MSH3: variants seen among roughly 807,000 people sequenced by gnomAD.
MSH3 encodes mutS homolog 3.
MSH3 carries 106 observed loss-of-function variants against 123.3 expected under a neutral mutation model. The observed-to-expected ratio is 0.86, with a 90% CI of 0.73 to 1.01. The LOEUF is 1.01. MSH3 is among the 50% of genes least tolerant of loss of function. MSH3 has a pLI of 0.00. For missense variants in MSH3, 1,459 were observed against 1,347.6 expected, an observed-to-expected ratio of 1.08 and a Z score of -1.29; for synonymous variants, 515 against 481.4, an observed-to-expected ratio of 1.07 and a Z score of -0.91.
rs764577777 is a variant in MSH3, at chr5:80,672,828, C to T, written c.997C>T (p.Leu333Phe). 1.9e-6 allele frequency: 3 copies of T among 1,613,630 alleles called. No homozygotes were observed. The highest frequency in any genetic ancestry group is 2.5e-6 in the Non-Finnish European group (3 of 1,179,570). ...SSLFSRKLTA[L>F]YTKSTLIGED... Reference sequence around the variant, plus strand: ...ACTCTTTTCCCGGAAATTGACTGCCCTTTATACAAAATCTACACTTATTGG... The same window carrying T: ...ACTCTTTTCCCGGAAATTGACTGCCTTTTATACAAAATCTACACTTATTGG... Residue 333 changes from leucine to phenylalanine, a missense_variant, in exon 6 of 24, where the codon CTT (leucine) becomes TTT (phenylalanine). Leu to Phe is a conservative substitution (Grantham distance 22). Coordinates refer to ENST00000265081, the MANE Select transcript of MSH3 (RefSeq NM_002439.5).
chr5:80,797,237 A>C (rs1744714202), intron 19 of MSH3, among the ~76,000 whole-genome samples: 1 of 152,010 alleles, frequency 6.6e-6, no homozygotes, highest in Non-Finnish European at 1.5e-5. Flanking sequence ...TATTCCACCA[A>C]ATTATAATCA....
At chr5:80,775,482 T>C (rs978999614) in intron 15 of MSH3, among the ~76,000 whole-genome samples, 1 of 152,182 alleles carries the variant, frequency 6.6e-6, no homozygotes, top group South Asian at 2.1e-4. Context: ...TACAAATGTT[T>C]TATGCAATAC....
chr5:80,805,129 C>A (rs1252407642), intron 19 of MSH3, among the ~76,000 whole-genome samples: 2 of 152,256 alleles, frequency 1.3e-5, no homozygotes, highest in Non-Finnish European at 2.9e-5. Flanking sequence ...TAACAACTTT[C>A]ATCACATTTC....
intron 3 of MSH3, among the ~76,000 whole-genome samples, chr5:80,666,254 G>GA (rs145904529): frequency 0.014 from 2,179 of 152,210 alleles, 26 homozygotes; most frequent in Non-Finnish European, 0.025. Flanking sequence ...TTGAATTAGA[G>GA]AAATGGTTCT....
intron 19 of MSH3, among the ~76,000 whole-genome samples, chr5:80,804,670 G>C (rs1744853355): frequency 2.0e-5 from 3 of 152,290 alleles, no homozygotes; most frequent in Non-Finnish European, 1.5e-5. Context: ...AGCTGAGGGA[G>C]GGGTGACTCA....
At chr5:80,691,432 T>C (rs1179244334) in intron 8 of MSH3, among the ~76,000 whole-genome samples, 3 of 151,636 alleles carry the variant, frequency 2.0e-5, no homozygotes, top group Non-Finnish European at 2.9e-5. Context: ...TGAAAGATAT[T>C]AAAGAACTAA....
At chr5:80,655,124 A>G in intron 1 of MSH3, 160 bp downstream of exon 1, 1 of 518,844 alleles carries the variant, frequency 1.9e-6, no homozygotes, top group Non-Finnish European at 3.3e-6. Flanking sequence ...CCGGGGCTAC[A>G]AATTGGGTGA....
intron 20 of MSH3, among the ~76,000 whole-genome samples, chr5:80,853,769 G>A (rs1003809573): frequency 1.3e-5 from 2 of 152,026 alleles, no homozygotes; most frequent in Non-Finnish European, 2.9e-5. Context: ...CAAGATCTTT[G>A]TACAGTATCA....
intron 3 of MSH3, 141 bp from the exon 4 acceptor site, chr5:80,669,956 G>A (rs1650650): frequency 2.7e-6 from 2 of 747,136 alleles, no homozygotes; most frequent in Admixed American, 2.5e-5. Flanking sequence ...ATAGTTTGCC[G>A]GAATGCTACA....
At chr5:80,789,528 G>A (rs948114161) in intron 18 of MSH3, among the ~76,000 whole-genome samples, 1 of 151,984 alleles carries the variant, frequency 6.6e-6, no homozygotes, top group Non-Finnish European at 1.5e-5. Context: ...GTGCCACCAC[G>A]CCTGGCTAAT....
chr5:80,688,094 A>T (rs1403005547), intron 8 of MSH3, among the ~76,000 whole-genome samples: 5 of 152,204 alleles, frequency 3.3e-5, no homozygotes, highest in Admixed American at 3.3e-4. Flanking sequence ...AAACTGTATG[A>T]CATTCAGAAA....
intron 17 of MSH3, among the ~76,000 whole-genome samples, chr5:80,786,051 G>A (rs1310892865): frequency 6.6e-6 from 1 of 151,940 alleles, no homozygotes; most frequent in African/African-American, 2.4e-5. Context: ...TAGATGACGA[G>A]TTAGTGGGTG....
intron 20 of MSH3, among the ~76,000 whole-genome samples, chr5:80,836,262 G>A (rs963445075): frequency 6.6e-6 from 1 of 152,164 alleles, no homozygotes; most frequent in African/African-American, 2.4e-5. Context: ...TGTGGATTGA[G>A]TAAGTTGTAT....
intron 11 of MSH3, among the ~76,000 whole-genome samples, chr5:80,742,998 T>G (rs1488013991): frequency 2.0e-5 from 3 of 152,178 alleles, no homozygotes; most frequent in Admixed American, 6.5e-5. Flanking sequence ...TGCACCATTT[T>G]AGAAGCCGAA....
chr5:80,697,980 T>A (rs1174414429), intron 8 of MSH3, among the ~76,000 whole-genome samples: 1 of 152,102 alleles, frequency 6.6e-6, no homozygotes, highest in Non-Finnish European at 1.5e-5. Flanking sequence ...CCATCGTGGT[T>A]CACTGTAGCC....
chr5:80,707,069 A>G (rs1750742754), intron 8 of MSH3, among the ~76,000 whole-genome samples: 1 of 152,182 alleles, frequency 6.6e-6, no homozygotes, highest in African/African-American at 2.4e-5. Context: ...TACTGTTCTG[A>G]TTTCTGTCAC....
chr5:80,805,744 G>A lies in MSH3; in HGVS notation c.2656-7840G>A, dbSNP rs936962411. Reference sequence around the variant, plus strand: ...TGAGTAGCTGGAACTACAGGCATGCGCCACCACGAGCTCATTATTGTATTT... The same window carrying A: ...TGAGTAGCTGGAACTACAGGCATGCACCACCACGAGCTCATTATTGTATTT... On this transcript the variant is annotated intron_variant, in intron 19 of 23. Coordinates refer to ENST00000265081, the MANE Select transcript of MSH3 (RefSeq NM_002439.5). 7.2e-5 allele frequency among the ~76,000 whole-genome samples: 11 copies of A among 151,922 alleles called. 1 individual carries two copies. The South Asian group carries it at 1.3e-3, about 17-fold the overall frequency.
chr5:80,861,001 C>T (rs1415407514), intron 21 of MSH3, among the ~76,000 whole-genome samples: 10 of 152,242 alleles, frequency 6.6e-5, no homozygotes, highest in African/African-American at 1.4e-4. Flanking sequence ...TTTGATCTCT[C>T]GTTTCCTTTT....
intron 8 of MSH3, among the ~76,000 whole-genome samples, chr5:80,706,920 GTCAA>G (rs1750737270): frequency 6.6e-6 from 1 of 152,068 alleles, no homozygotes; most frequent in East Asian, 1.9e-4. Context: ...AAGTGTATGA[GTCAA>G]TCAATTTTGA....
Sources: allele counts gnomAD v4.1 joint callset (sites outside exome capture counted in the v4.1 genomes callset), GRCh38; gene constraint gnomAD v4.1.1; transcripts MANE v1.5; gene names NCBI Gene and HGNC (gene_info 2026-07-23, HGNC 2026-07-21).